PLD5: variants seen among roughly 807,000 people sequenced by gnomAD.
PLD5 encodes the protein inactive phospholipase D5.
In PLD5, 36 loss-of-function variants were observed where a neutral mutation model predicts 61.1. The ratio of observed to expected loss-of-function variants is 0.59; its 90% CI spans 0.45 to 0.78. The LOEUF (loss-of-function observed/expected upper bound fraction) is 0.78, where lower values mean the gene tolerates loss of function less well. Ranked by LOEUF, PLD5 falls within the 30% of genes least tolerant of loss-of-function variation. The pLI, the probability that PLD5 is intolerant of heterozygous loss-of-function variation, is 0.00. For missense variants in PLD5, 515 were observed against 644.4 expected (o/e 0.80, Z 2.17); for synonymous variants, 243 against 242.8 (o/e 1.00, Z -0.01).
chr1:242,437,612 A>G (rs55719113), intron 1 of PLD5, among the ~76,000 whole-genome samples: 21,966 of 151,958 alleles, frequency 0.14, 1,707 homozygotes, highest in African/African-American at 0.2. Context: ...TAGGAGAATC[A>G]CTTGAACCTG....
chr1:242,500,210 T>C (rs142029865), intron 1 of PLD5, among the ~76,000 whole-genome samples: 27 of 152,338 alleles, frequency 1.8e-4, no homozygotes, highest in African/African-American at 6.5e-4. Context: ...TGGCCATGTT[T>C]AAAAACCACT....
At chr1:242,380,265 T>C (rs894363000) in intron 1 of PLD5, among the ~76,000 whole-genome samples, 5 of 152,224 alleles carry the variant, frequency 3.3e-5, no homozygotes, top group African/African-American at 9.6e-5. Flanking sequence ...GGAGTAACAA[T>C]GTGCTCTTTT....
chr1:242,190,303 G>A (rs907847787), intron 5 of PLD5, among the ~76,000 whole-genome samples: 4 of 151,576 alleles, frequency 2.6e-5, no homozygotes, highest in African/African-American at 7.3e-5. Context: ...CTGCCACCAC[G>A]CCCGGCTAAT....
intron 1 of PLD5, among the ~76,000 whole-genome samples, chr1:242,470,132 G>C (rs553132912): frequency 1.3e-5 from 2 of 152,208 alleles, no homozygotes; most frequent in East Asian, 1.9e-4. Context: ...ACGAGGTCAG[G>C]AGATCGAGAC....
At chr1:242,338,091 CA>C (rs1293239754) in intron 2 of PLD5, among the ~76,000 whole-genome samples, 1 of 152,158 alleles carries the variant, frequency 6.6e-6, no homozygotes, top group Non-Finnish European at 1.5e-5. Flanking sequence ...AGTTCTTTAA[CA>C]GATTTTTCTG....
At chr1:242,486,170 C>T (rs1262780845) in intron 1 of PLD5, among the ~76,000 whole-genome samples, 6 of 152,154 alleles carry the variant, frequency 3.9e-5, no homozygotes, top group South Asian at 4.2e-4. Flanking sequence ...GACTTCATGT[C>T]GAAAACACCA....
chr1:242,458,547 T>C (rs1667014232), intron 1 of PLD5, among the ~76,000 whole-genome samples: 1 of 152,260 alleles, frequency 6.6e-6, no homozygotes, highest in Non-Finnish European at 1.5e-5. Flanking sequence ...ACAATAGCTA[T>C]GACTGGTATG....
intron 5 of PLD5, among the ~76,000 whole-genome samples, chr1:242,185,205 C>T (rs1667792710): frequency 6.6e-6 from 1 of 152,074 alleles, no homozygotes; most frequent in African/African-American, 2.4e-5. Flanking sequence ...TCAACGCAGC[C>T]CAGCCCCACA....
At chr1:242,455,489 C>T (rs1666917038) in intron 1 of PLD5, among the ~76,000 whole-genome samples, 1 of 152,190 alleles carries the variant, frequency 6.6e-6, no homozygotes, top group African/African-American at 2.4e-5. Flanking sequence ...CCTTATTAAC[C>T]TTTGACCAAA....
chr1:242,237,177 G>A (rs1671691921), intron 4 of PLD5, among the ~76,000 whole-genome samples: 1 of 151,890 alleles, frequency 6.6e-6, no homozygotes, highest in South Asian at 2.1e-4. Flanking sequence ...AACAGCTTTG[G>A]TAGATAAGTT....
intron 3 of PLD5, among the ~76,000 whole-genome samples, chr1:242,271,699 G>A (rs1284351459): frequency 6.6e-6 from 1 of 152,130 alleles, no homozygotes; most frequent in Non-Finnish European, 1.5e-5. Flanking sequence ...TAACCCATAT[G>A]GGGAACATAT....
intron 2 of PLD5, chr1:242,345,548 G>T (rs1045946430): frequency 3.4e-5 from 39 of 1,147,072 alleles, no homozygotes; most frequent in Non-Finnish European, 4.6e-5. Context: ...GGCACAAAAG[G>T]CTCACTCCCC....
intron 1 of PLD5, among the ~76,000 whole-genome samples, chr1:242,478,122 A>T (rs1272506148): frequency 1.3e-5 from 2 of 152,226 alleles, no homozygotes; most frequent in Non-Finnish European, 2.9e-5. Context: ...GAATGCCATT[A>T]AATCTGGGCA....
chr1:242,242,012 G>GACACAC (rs377737578), intron 4 of PLD5, among the ~76,000 whole-genome samples: 25 of 106,036 alleles, frequency 2.4e-4, no homozygotes, highest in African/African-American at 6.7e-4. Flanking sequence ...TATATATATA[G>GACACAC]ACACACACAC....
chr1:242,265,720 C>T (rs1450265463), intron 3 of PLD5, among the ~76,000 whole-genome samples: 9 of 151,988 alleles, frequency 5.9e-5, no homozygotes, highest in African/African-American at 1.9e-4. Context: ...CAAATCTACC[C>T]TTTTCTGCTT....
chr1:242,350,939 T>A (rs866216756), intron 1 of PLD5, among the ~76,000 whole-genome samples: 1 of 151,808 alleles, frequency 6.6e-6, no homozygotes, highest in Non-Finnish European at 1.5e-5. Context: ...TTCAATCTTG[T>A]TGCCCAGGCT....
chr1:242,262,071 A>T (rs1673403543), intron 4 of PLD5, among the ~76,000 whole-genome samples: 1 of 152,162 alleles, frequency 6.6e-6, no homozygotes, highest in East Asian at 1.9e-4. Flanking sequence ...ACTAGGAAAA[A>T]CCCAAACATC....
intron 2 of PLD5, among the ~76,000 whole-genome samples, chr1:242,306,721 G>T (rs1328541829): frequency 6.6e-6 from 1 of 151,274 alleles, no homozygotes; most frequent in African/African-American, 2.4e-5. Context: ...CACTGAGAAA[G>T]AGAATAAGAA....
intron 1 of PLD5, among the ~76,000 whole-genome samples, chr1:242,428,555 C>T (rs549785719): frequency 7.9e-5 from 12 of 152,304 alleles, no homozygotes; most frequent in South Asian, 4.1e-4. Context: ...TTCAAATTCA[C>T]GAGCATAATG....
Sources: gnomAD v4.1 joint callset for allele counts (sites outside exome capture counted in the v4.1 genomes callset) on GRCh38, gnomAD v4.1.1 for gene constraint, MANE v1.5 for transcripts, NCBI Gene and HGNC (gene_info 2026-07-23, HGNC 2026-07-21) for gene names.